The following L3MBTL4 variants were observed in gnomAD, a reference collection of about 807,000 sequenced individuals.
The protein encoded by L3MBTL4 is lethal(3)malignant brain tumor-like protein 4.
L3MBTL4 carries 70 observed loss-of-function variants against 84.5 expected under a neutral mutation model. The observed-to-expected ratio is 0.83, with a 90% CI of 0.68 to 1.01. L3MBTL4 has a LOEUF of 1.01. Ranked by LOEUF, L3MBTL4 falls within the 50% of genes least tolerant of loss-of-function variation. The pLI is 0.00. For synonymous variants in L3MBTL4, 274 were observed against 259.8 expected (o/e 1.05, Z -0.52); for missense variants, 715 against 754.8 (o/e 0.95, Z 0.62).
At chr18:6,107,330 G>A (rs747682372) in intron 14 of L3MBTL4, among the ~76,000 whole-genome samples, 1 of 152,140 alleles carries the variant, frequency 6.6e-6, no homozygotes, top group Non-Finnish European at 1.5e-5. Flanking sequence ...GGGACCAGAG[G>A]ACAATGTCTG....
At chr18:5,963,488 C>T (rs1194345608) in intron 17 of L3MBTL4, among the ~76,000 whole-genome samples, 1 of 152,220 alleles carries the variant, frequency 6.6e-6, no homozygotes, top group Non-Finnish European at 1.5e-5. Context: ...CACCTGCCAC[C>T]TCCACCTCAT....
At chr18:6,277,210 C>T (rs1253516199) in intron 4 of L3MBTL4, among the ~76,000 whole-genome samples, 1 of 151,546 alleles carries the variant, frequency 6.6e-6, no homozygotes, top group Non-Finnish European at 1.5e-5. Context: ...GTGGGTGCAG[C>T]GCACCAGCAT....
chr18:6,109,200 T>C (rs1443772866), intron 14 of L3MBTL4, among the ~76,000 whole-genome samples: 1 of 152,162 alleles, frequency 6.6e-6, no homozygotes, highest in Non-Finnish European at 1.5e-5. Context: ...CTCTGAAAAA[T>C]GGCCAATATC....
intron 12 of L3MBTL4, among the ~76,000 whole-genome samples, chr18:6,194,703 C>T (rs934945790): frequency 1.3e-5 from 2 of 152,266 alleles, no homozygotes; most frequent in East Asian, 3.9e-4. Flanking sequence ...GAGAAGCCAG[C>T]CCCCAGCACT....
chr18:6,113,019 G>C (rs1001656768), intron 14 of L3MBTL4, among the ~76,000 whole-genome samples: 1 of 152,128 alleles, frequency 6.6e-6, no homozygotes, highest in Non-Finnish European at 1.5e-5. Flanking sequence ...GTGTTAATGA[G>C]CTGTGCCTGG....
intron 14 of L3MBTL4, among the ~76,000 whole-genome samples, chr18:6,124,267 C>A (rs2059616895): frequency 6.6e-6 from 1 of 151,478 alleles, no homozygotes; most frequent in African/African-American, 2.4e-5. Context: ...GAGAATATAT[C>A]TGGAATAGAA....
chr18:6,373,827 T>C (rs1181277472), intron 1 of L3MBTL4, among the ~76,000 whole-genome samples: 2 of 151,516 alleles, frequency 1.3e-5, no homozygotes, highest in Non-Finnish European at 2.9e-5. Context: ...AATGTTAAAA[T>C]ATAATAATAA....
intron 12 of L3MBTL4, among the ~76,000 whole-genome samples, chr18:6,212,459 T>G (rs1182051963): frequency 1.3e-5 from 2 of 152,220 alleles, no homozygotes; most frequent in African/African-American, 4.8e-5. Flanking sequence ...ACTTTTGAGC[T>G]GTAATATGTT....
At chr18:6,265,041 G>A (rs1177110602) in intron 4 of L3MBTL4, among the ~76,000 whole-genome samples, 1 of 152,206 alleles carries the variant, frequency 6.6e-6, no homozygotes, top group African/African-American at 2.4e-5. Context: ...GAAGGACTAT[G>A]TAATGATATA....
intron 12 of L3MBTL4, among the ~76,000 whole-genome samples, chr18:6,172,579 A>AT (rs2044029679): frequency 6.6e-6 from 1 of 152,172 alleles, no homozygotes; most frequent in Non-Finnish European, 1.5e-5. Context: ...AGGTCCAGCC[A>AT]TCCTACTGGT....
At chr18:5,976,966 C>T (rs1286527009) in intron 16 of L3MBTL4, among the ~76,000 whole-genome samples, 5 of 152,204 alleles carry the variant, frequency 3.3e-5, no homozygotes, top group Admixed American at 6.5e-5. Context: ...CTGAGGGAAC[C>T]GAGTTTAGGA....
At position 6,243,393 on chromosome 18, in the gene L3MBTL4, AACC is replaced by A; in HGVS notation, c.358_360del (p.Gly120del). On this transcript the variant is annotated inframe_deletion, in exon 7 of 19. Coordinates refer to ENST00000317931, the MANE Select transcript of L3MBTL4 (RefSeq NM_001330559.2). ...GTCCAAAAATCATAGCAACTTAAAT[AACC>A]ATCAAAATGAAGTCTTAGACGGTAA... The A allele has an allele frequency of 6.2e-7, 1 of 1,607,942 alleles. No individual in the cohort carries two copies. The highest frequency in any genetic ancestry group is 8.5e-7 in the Non-Finnish European group (1 of 1,177,354).
At chr18:6,176,036 G>A (rs1370859530) in intron 12 of L3MBTL4, among the ~76,000 whole-genome samples, 1 of 152,044 alleles carries the variant, frequency 6.6e-6, no homozygotes, top group Non-Finnish European at 1.5e-5. Flanking sequence ...ACATTCCTAA[G>A]AGAAATTAAA....
chr18:6,209,704 C>T (rs1201874196), intron 12 of L3MBTL4, among the ~76,000 whole-genome samples: 1 of 152,050 alleles, frequency 6.6e-6, no homozygotes, highest in Non-Finnish European at 1.5e-5. Flanking sequence ...AATGTTTATC[C>T]CAGCAATAAT....
At chr18:6,223,388 T>C (rs76833961) in intron 10 of L3MBTL4, among the ~76,000 whole-genome samples, 2,869 of 152,294 alleles carry the variant, frequency 0.019, 81 homozygotes, top group African/African-American at 0.064. Context: ...TTATGAAATA[T>C]TATGCAGTTA....
At chr18:6,366,556 G>GAGA (rs1237340079) in intron 1 of L3MBTL4, among the ~76,000 whole-genome samples, 4 of 152,202 alleles carry the variant, frequency 2.6e-5, no homozygotes, top group African/African-American at 7.2e-5. Context: ...ATAGGGACTA[G>GAGA]AGATCTGTGA....
At chr18:6,050,741 G>C (rs2145802149) in intron 16 of L3MBTL4, among the ~76,000 whole-genome samples, 1 of 152,190 alleles carries the variant, frequency 6.6e-6, no homozygotes, top group South Asian at 2.1e-4. Context: ...AAATAGCATG[G>C]GTCTGAAATG....
At chr18:6,213,055 A>AT in intron 12 of L3MBTL4, 94 bp downstream of exon 12, 1 of 688,470 alleles carries the variant, frequency 1.5e-6, no homozygotes, top group Non-Finnish European at 2.3e-6. Context: ...ATGAATTAAA[A>AT]AACGAGAAAG....
intron 5 of L3MBTL4, among the ~76,000 whole-genome samples, chr18:6,263,024 C>T (rs1031937171): frequency 5.9e-5 from 9 of 152,142 alleles, no homozygotes; most frequent in African/African-American, 1.9e-4. Context: ...CTGTAATCCC[C>T]GGCACTTTGG....
Sources: gnomAD v4.1 joint callset for allele counts (sites outside exome capture counted in the v4.1 genomes callset) on GRCh38, gnomAD v4.1.1 for gene constraint, MANE v1.5 for transcripts, NCBI Gene and HGNC (gene_info 2026-07-23, HGNC 2026-07-21) for gene names.